The following DST variants were observed in gnomAD, a reference collection of about 807,000 sequenced individuals.
The protein encoded by DST is dystonin, also known as bullous pemphigoid antigen.
DST carries 253 observed loss-of-function variants against 875.2 expected under a neutral mutation model. The observed-to-expected ratio is 0.29, with a 90% CI of 0.26 to 0.32. The LOEUF (loss-of-function observed/expected upper bound fraction) is 0.32. Among genes scored for constraint, DST ranks in the 10% least tolerant of loss-of-function variants. The probability of loss-of-function intolerance (pLI) is 1.00; values close to 1 mark genes in which losing one functional copy is unlikely to be tolerated. For missense variants in DST, 8,287 were observed against 9,111.6 expected (o/e 0.91, Z 3.68); for synonymous variants, 3,124 against 3,197.1 (o/e 0.98, Z 0.77).
intron 5 of DST, among the ~76,000 whole-genome samples, chr6:56,734,778 A>T (rs550980356): frequency 6.6e-6 from 1 of 152,352 alleles, no homozygotes; most frequent in Admixed American, 6.5e-5. Flanking sequence ...ATTAAGTATA[A>T]GAATATAATA....
At chr6:56,545,691 T>TATA (rs2097209931) in intron 61 of DST, among the ~76,000 whole-genome samples, 1 of 152,182 alleles carries the variant, frequency 6.6e-6, no homozygotes, top group African/African-American at 2.4e-5. Context: ...AAAAGAGCAA[T>TATA]TTTATCAGCT....
chr6:56,901,813 T>C (rs1592265218), intron 2 of DST, among the ~76,000 whole-genome samples: 1 of 152,192 alleles, frequency 6.6e-6, no homozygotes, highest in African/African-American at 2.4e-5. Flanking sequence ...AGTCATATTA[T>C]GCAACTGAGA....
At chr6:56,800,092 G>A (rs898692394) in intron 4 of DST, among the ~76,000 whole-genome samples, 2 of 152,100 alleles carry the variant, frequency 1.3e-5, no homozygotes, top group African/African-American at 4.8e-5. Flanking sequence ...GTGGAGGTTT[G>A]GAACTGAACC....
chr6:56,517,600 A>C lies in DST; in HGVS notation c.18150T>G (p.Ala6050=). 1.2e-6 allele frequency: 2 copies of C among 1,612,988 alleles called. No individual in the cohort carries two copies. The highest frequency in any genetic ancestry group is 1.7e-6 in the Non-Finnish European group (2 of 1,179,452). ...RSQQFDQAAD[A]ELSWITETEK... Reference sequence around the variant, plus strand: ...CTGTTTCAGTAATCCAGGATAACTCAGCATCAGCTGCTTGGTCAAACTAAA... The same window carrying C: ...CTGTTTCAGTAATCCAGGATAACTCCGCATCAGCTGCTTGGTCAAACTAAA... The change falls in exon 70 of 104, where the codon GCT becomes GCG. Residue 6050 remains alanine, a synonymous_variant. Transcript: ENST00000680361.
At chr6:56,934,152 T>C (rs1480822878) in intron 2 of DST, among the ~76,000 whole-genome samples, 3 of 152,124 alleles carry the variant, frequency 2.0e-5, no homozygotes, top group African/African-American at 7.2e-5. Context: ...TTTAATTAGA[T>C]GCTACTCATC....
chr6:56,646,228 T>C, intron 13 of DST, 46 bp from the exon 14 acceptor site: 1 of 1,107,454 alleles, frequency 9.0e-7, no homozygotes, highest in Non-Finnish European at 1.3e-6. Context: ...TTAAAAGATC[T>C]GTTTTCATGA....
At chr6:56,509,574 G>T in intron 74 of DST, 68 bp downstream of exon 74, 1 of 1,203,796 alleles carries the variant, frequency 8.3e-7, no homozygotes, top group South Asian at 1.4e-5. Context: ...TATCCAATTG[G>T]ACGGTGAGTA....
intron 9 of DST, chr6:56,692,734 T>A: frequency 7.8e-7 from 1 of 1,289,678 alleles, no homozygotes; most frequent in East Asian, 5.5e-5. Flanking sequence ...TTCATCCAGT[T>A]CACTAACTTT....
intron 4 of DST, among the ~76,000 whole-genome samples, chr6:56,754,178 A>G (rs1279735936): frequency 6.6e-6 from 1 of 152,254 alleles, no homozygotes; most frequent in Non-Finnish European, 1.5e-5. Flanking sequence ...CTCTGGTAAG[A>G]GTAAAGTAAC....
At chr6:56,797,667 A>G (rs1374503667) in intron 4 of DST, among the ~76,000 whole-genome samples, 3 of 152,012 alleles carry the variant, frequency 2.0e-5, no homozygotes, top group Non-Finnish European at 2.9e-5. Flanking sequence ...AAAAATACAA[A>G]AATTAGCTGG....
intron 4 of DST, among the ~76,000 whole-genome samples, chr6:56,803,067 A>C (rs1179118953): frequency 6.6e-6 from 1 of 152,216 alleles, no homozygotes; most frequent in East Asian, 1.9e-4. Context: ...TTAAGCATTG[A>C]GCTAAATGCT....
At chr6:56,669,558 T>C (rs1364946197) in intron 10 of DST, among the ~76,000 whole-genome samples, 1 of 148,618 alleles carries the variant, frequency 6.7e-6, no homozygotes, top group Non-Finnish European at 1.5e-5. Context: ...ATCATGCCAC[T>C]GCACTCTAGC....
intron 47 of DST, among the ~76,000 whole-genome samples, chr6:56,594,809 A>G (rs1033460023): frequency 6.6e-6 from 1 of 152,150 alleles, no homozygotes; most frequent in South Asian, 2.1e-4. Context: ...GGAGACAATA[A>G]CTCCTACACA....
At chr6:56,584,431 G>C (rs1288073086) in intron 49 of DST, among the ~76,000 whole-genome samples, 6 of 151,790 alleles carry the variant, frequency 4.0e-5, no homozygotes, top group Admixed American at 3.9e-4. Context: ...TGTGATTTTT[G>C]TACATTGATT....
At chr6:56,603,502 T>G (rs2152706666) in intron 41 of DST, 62 bp downstream of exon 41, 1 of 1,589,354 alleles carries the variant, frequency 6.3e-7, no homozygotes, top group Non-Finnish European at 8.6e-7. Flanking sequence ...GTGTTCTGCT[T>G]CTTTTTCCCA....
rs766474425 is a variant in DST at position 56,606,086 on chromosome 6, T to G, written c.8542A>C (p.Ser2848Arg). 6.2e-7 allele frequency: 1 copy of G among 1,613,022 alleles called. No homozygotes were observed. The highest frequency in any genetic ancestry group is 1.7e-5 in the Admixed American group (1 of 59,842). Reference protein sequence around the residue: ...QLCASILNENSDENENINTMI... With the variant: ...QLCASILNENRDENENINTMI... Reference sequence around the variant, plus strand: ...GTATTAATATTTTCATTTTCATCACTGTTTTCATTTAAAATAGAGGCACAC... The same window carrying G: ...GTATTAATATTTTCATTTTCATCACGGTTTTCATTTAAAATAGAGGCACAC... Residue 2848 changes from serine to arginine, a missense_variant, in exon 40 of 104, where the codon AGT (serine) becomes CGT (arginine). Transcript: ENST00000680361.
intron 75 of DST, among the ~76,000 whole-genome samples, chr6:56,507,684 G>A (rs1005230138): frequency 2.0e-5 from 3 of 152,154 alleles, no homozygotes; most frequent in Admixed American, 1.3e-4. Context: ...TTTGGGAAAC[G>A]CCCTTTCTAA....
chr6:56,601,720 T>C (rs377213165), intron 43 of DST, 44 bp from the exon 44 acceptor site: 1 of 1,146,358 alleles, frequency 8.7e-7, no homozygotes, highest in East Asian at 2.6e-5. Context: ...AGTTAAGCCA[T>C]GATAAAATTT....
Position 56,810,221 on chromosome 6 carries a change from G to C in DST, c.625+41176C>G, listed in dbSNP as rs930726689. The stretch of plus-strand genomic sequence containing the variant: ...GCTACTTGGAAGGCTGAGATGAAAA[G>C]ATCGCTTGAGCCCAGGAGTTCAAAG... On this transcript the variant is annotated intron_variant, in intron 4 of 103. Coordinates refer to ENST00000680361, the MANE Select transcript of DST (RefSeq NM_001374736.1). Among the ~76,000 whole-genome samples the C allele has an allele frequency of 3.3e-5, 5 of 152,134 alleles. No homozygotes were observed. In the South Asian group the frequency reaches 1.0e-3, roughly 32 times the overall value.
Sources: gnomAD v4.1 joint callset for allele counts (sites outside exome capture counted in the v4.1 genomes callset) on GRCh38, gnomAD v4.1.1 for gene constraint, MANE v1.5 for transcripts, NCBI Gene and HGNC (gene_info 2026-07-23, HGNC 2026-07-21) for gene names.